Variants in CD247 observed in about 807,000 individuals in gnomAD.
The protein encoded by CD247 is CD247 molecule, also known as T-cell surface glycoprotein CD3 zeta chain.
A neutral mutation model predicts 30.0 loss-of-function variants in CD247; 13 were observed. That is an observed-to-expected ratio of 0.43 (90% CI 0.28 to 0.69). CD247 has a LOEUF of 0.69. Among genes scored for constraint, CD247 ranks in the 30% least tolerant of loss-of-function variants. CD247 has a pLI of 0.16. For missense variants in CD247, 193 were observed against 212.6 expected (o/e 0.91, Z 0.57); for synonymous variants, 72 against 80.0 (o/e 0.90, Z 0.53).
intron 1 of CD247, among the ~76,000 whole-genome samples, chr1:167,449,149 C>CT (rs71097676): frequency 0.072 from 4,752 of 66,322 alleles, 278 homozygotes; most frequent in African/African-American, 0.18. Context: ...TTTTTCTTTT[C>CT]TTTTTTTTTT....
intron 7 of CD247, among the ~76,000 whole-genome samples, chr1:167,432,103 AG>A (rs35894911): frequency 0.51 from 77,790 of 152,030 alleles, 20,042 homozygotes; most frequent in Middle Eastern, 0.61. Flanking sequence ...GGCAGGAATC[AG>A]GGGGGAGGGC....
At chr1:167,511,544 A>T (rs1021261435) in intron 1 of CD247, among the ~76,000 whole-genome samples, 1 of 152,232 alleles carries the variant, frequency 6.6e-6, no homozygotes, top group Non-Finnish European at 1.5e-5. Context: ...TTCTAGAAAA[A>T]CATATAGTTC....
intron 3 of CD247, 33 bp from the exon 4 acceptor site, chr1:167,438,683 CG>C: frequency 6.5e-7 from 1 of 1,544,368 alleles, no homozygotes. Flanking sequence ...AGACACAGGA[CG>C]GAGGAACCTC....
intron 1 of CD247, chr1:167,448,253 G>T: frequency 1.8e-6 from 1 of 562,820 alleles, no homozygotes; most frequent in Non-Finnish European, 2.3e-6. Flanking sequence ...GCTCAGAGAA[G>T]TTAATAACAT....
chr1:167,510,341 G>T (rs572287408), intron 1 of CD247, among the ~76,000 whole-genome samples: 30 of 152,230 alleles, frequency 2.0e-4, no homozygotes, highest in Admixed American at 1.2e-3. Context: ...CACCACATGC[G>T]CCAGCATATG....
At chr1:167,470,504 T>TAAAAA (rs55679205) in intron 1 of CD247, among the ~76,000 whole-genome samples, 5 of 122,474 alleles carry the variant, frequency 4.1e-5, no homozygotes, top group Non-Finnish European at 6.5e-5. Flanking sequence ...ATGTTAATTG[T>TAAAAA]AAAAAAAAAA....
chr1:167,466,886 C>T (rs1181945082), intron 1 of CD247, among the ~76,000 whole-genome samples: 6 of 151,710 alleles, frequency 4.0e-5, no homozygotes, highest in Non-Finnish European at 7.4e-5. Flanking sequence ...GTCGCCCAGG[C>T]TGGAGTGCAG....
intron 1 of CD247, among the ~76,000 whole-genome samples, chr1:167,465,327 C>CTTTTTTTTTTT (rs765176193): frequency 1.7e-5 from 2 of 115,342 alleles, no homozygotes; most frequent in Non-Finnish European, 3.4e-5. Context: ...TTTTCTTTTT[C>CTTTTTTTTTTT]TTTTTTTTTT....
chr1:167,492,919 T>C (rs1654515420), intron 1 of CD247, among the ~76,000 whole-genome samples: 1 of 152,188 alleles, frequency 6.6e-6, no homozygotes, highest in African/African-American at 2.4e-5. Context: ...GGGCTGAGTA[T>C]TTTGGGGCTG....
At chr1:167,443,381 G>A (rs536657355) in intron 1 of CD247, among the ~76,000 whole-genome samples, 82 of 152,342 alleles carry the variant, frequency 5.4e-4, no homozygotes, top group Admixed American at 5.2e-4. Flanking sequence ...CTGGCCCCAA[G>A]GTATTGCTGG....
rs183404039 is a variant in CD247, at chr1:167,455,970, C to G, written c.59-15203G>C. 3.8e-3 allele frequency among the ~76,000 whole-genome samples: 571 copies of G among 151,804 alleles called. 2 individuals are homozygous for G. The highest frequency in any genetic ancestry group is 0.013 in the African/African-American group (547 of 41,150). On this transcript the variant is annotated intron_variant, in intron 1 of 7. Transcript: ENST00000362089. ...CCGGCGCTGCCTCCTTGGGAAGCCCCGGAGAGACGCAACCCTGAGAGGCTG... is the reference window on the plus strand; with the variant it reads ...CCGGCGCTGCCTCCTTGGGAAGCCCGGGAGAGACGCAACCCTGAGAGGCTG...
chr1:167,491,084 A>T (rs999675891), intron 1 of CD247, among the ~76,000 whole-genome samples: 2 of 152,138 alleles, frequency 1.3e-5, no homozygotes, highest in African/African-American at 4.8e-5. Flanking sequence ...TTGAAATCCT[A>T]GTTTTGGCAC....
At chr1:167,449,700 A>ATT in intron 1 of CD247, among the ~76,000 whole-genome samples, 2 of 152,062 alleles carry the variant, frequency 1.3e-5, no homozygotes, top group Non-Finnish European at 2.9e-5. Context: ...AGGTGGGCAG[A>ATT]TCGCCTGAGG....
At chr1:167,444,108 A>AGAGG (rs1458787723) in intron 1 of CD247, among the ~76,000 whole-genome samples, 4 of 152,152 alleles carry the variant, frequency 2.6e-5, no homozygotes. Flanking sequence ...GGCCTCAGTT[A>AGAGG]CCTCATCTAT....
intron 1 of CD247, among the ~76,000 whole-genome samples, chr1:167,460,057 A>C (rs1297979642): frequency 2.0e-5 from 3 of 152,150 alleles, no homozygotes; most frequent in Non-Finnish European, 4.4e-5. Flanking sequence ...TCCTGGCATC[A>C]TTCCTGTGTT....
chr1:167,430,783 C>G lies in CD247; in HGVS notation c.*898G>C. 2.5e-6 allele frequency: 1 copy of G among 398,716 alleles called. No homozygotes were observed. The highest frequency in any genetic ancestry group is 4.4e-6 in the Non-Finnish European group (1 of 226,112). 24.7% of individuals were successfully genotyped at this position (398,716 alleles called of 1,614,324 possible). A position where few individuals can be genotyped will look rare whatever the true frequency, so the allele number is the denominator to read the frequency against. The stretch of plus-strand genomic sequence containing the variant: ...GTAATGACGCAGCAGTATCCTAGTA[C>G]ATTGACGGGTTTTTCCTGTCCTGCC... On this transcript the variant is annotated 3_prime_UTR_variant, in exon 8 of 8. Coordinates refer to ENST00000362089, the MANE Select transcript of CD247 (RefSeq NM_198053.3).
In CD247 at chr1:167,437,949, A is replaced by C. The variant is rs558646907; in HGVS notation, c.300+621T>G. ...TTAATCATTTCATATTATATTCAAA[A>C]ATCATAACAATACTTTGTACCCCAT... On this transcript the variant is annotated intron_variant, in intron 4 of 7. Coordinates refer to ENST00000362089, the MANE Select transcript of CD247 (RefSeq NM_198053.3). 9.8e-5 allele frequency among the ~76,000 whole-genome samples: 15 copies of C among 152,312 alleles called. No individual in the cohort carries two copies. In the South Asian group the frequency reaches 1.9e-3, roughly 19 times the overall value.
At position 167,469,421 on chromosome 1, in the gene CD247, C is replaced by A. The variant is rs546070716; in HGVS notation, c.59-28654G>T. ...TAAGATCCAGTTAAACAAGGGAATT[C>A]ACTGGAGAAGGAAATCGAGTCTTTC... On this transcript the variant is annotated intron_variant, in intron 1 of 7. Coordinates refer to ENST00000362089, the MANE Select transcript of CD247 (RefSeq NM_198053.3). 7.2e-5 allele frequency among the ~76,000 whole-genome samples: 11 copies of A among 152,314 alleles called. No homozygotes were observed. In the South Asian group the frequency reaches 2.3e-3, roughly 32 times the overall value.
In CD247 at chr1:167,494,883, C is replaced by T. The variant is rs948723258; in HGVS notation, c.58+23525G>A. ...AGACCTATTCCAGGACTTTACTCTA[C>T]AGCAAAGCAGTCCGGGTTCCAGAGA... On this transcript the variant is annotated intron_variant, in intron 1 of 7. Coordinates refer to ENST00000362089, the MANE Select transcript of CD247 (RefSeq NM_198053.3). This position sits in a 1 kb window ranked among gnomAD's most constrained non-coding sequence, Gnocchi z 7.3. 6.6e-6 allele frequency among the ~76,000 whole-genome samples: 1 copy of T among 152,332 alleles called. No individual in the cohort carries two copies. The highest frequency in any genetic ancestry group is 1.9e-4 in the East Asian group (1 of 5,176).
Sources: allele counts gnomAD v4.1 joint callset (sites outside exome capture counted in the v4.1 genomes callset), GRCh38; gene constraint gnomAD v4.1.1; non-coding constraint Gnocchi (gnomAD v3.1); transcripts MANE v1.5; gene names NCBI Gene and HGNC (gene_info 2026-07-23, HGNC 2026-07-21).